Variants in TRPM3 observed in about 807,000 individuals in gnomAD.
The protein encoded by TRPM3 is transient receptor potential cation channel subfamily M member 3.
TRPM3 carries 77 observed loss-of-function variants against 181.2 expected under a neutral mutation model. The ratio of observed to expected loss-of-function variants is 0.42; its 90% CI spans 0.35 to 0.51. TRPM3 has a LOEUF of 0.51. Among genes scored for constraint, TRPM3 ranks in the 20% least tolerant of loss-of-function variants. The pLI is 0.01. For missense variants in TRPM3, 1,759 were observed against 2,196.7 expected (o/e 0.80, Z 3.98); for synonymous variants, 745 against 796.4 (o/e 0.94, Z 1.09).
At chr9:70,985,313 C>G (rs1221684633) in intron 1 of TRPM3, among the ~76,000 whole-genome samples, 1 of 152,116 alleles carries the variant, frequency 6.6e-6, no homozygotes, top group Non-Finnish European at 1.5e-5. Context: ...AGACTTTTCC[C>G]TCCCTCCCTT....
At chr9:70,801,690 A>G (rs1312810719) in intron 6 of TRPM3, among the ~76,000 whole-genome samples, 1 of 135,054 alleles carries the variant, frequency 7.4e-6, no homozygotes, top group Non-Finnish European at 1.7e-5. Flanking sequence ...TTAACCTCAT[A>G]TCCTACTTTG....
At position 71,366,750 on chromosome 9, in the gene TRPM3, G is replaced by A. The variant is rs2092348236; in HGVS notation, c.183+79903C>T. Among the ~76,000 whole-genome samples the A allele has an allele frequency of 5.9e-5, 9 of 152,100 alleles. No individual in the cohort carries two copies. In the South Asian group the frequency reaches 1.9e-3, roughly 32 times the overall value. On this transcript the variant is annotated intron_variant, in intron 1 of 24. Transcript: ENST00000357533. ...GACAGCTATACCTAAAATAAATTCAGTAATTTCAATGCAGATTACTATTTT... is the reference window on the plus strand; with the variant it reads ...GACAGCTATACCTAAAATAAATTCAATAATTTCAATGCAGATTACTATTTT...
intron 1 of TRPM3, among the ~76,000 whole-genome samples, chr9:71,240,227 TTA>T (rs2081585347): frequency 6.6e-6 from 1 of 152,192 alleles, no homozygotes; most frequent in Non-Finnish European, 1.5e-5. Context: ...ATGTTGTAAA[TTA>T]AAACAATTTT....
intron 9 of TRPM3, 119 bp downstream of exon 9, chr9:70,681,387 A>T (rs1395908455): frequency 1.1e-5 from 9 of 819,454 alleles, no homozygotes; most frequent in Non-Finnish European, 1.8e-5. Context: ...CCCCTATGTT[A>T]TCAATAATTT....
chr9:70,682,115 A>G (rs1247424413), intron 8 of TRPM3, among the ~76,000 whole-genome samples: 1 of 152,108 alleles, frequency 6.6e-6, no homozygotes, highest in African/African-American at 2.4e-5. Context: ...CCCATTTTAT[A>G]GTATTTTGTT....
chr9:71,315,374 C>CT (rs2088467186), intron 1 of TRPM3, among the ~76,000 whole-genome samples: 1 of 152,056 alleles, frequency 6.6e-6, no homozygotes, highest in African/African-American at 2.4e-5. Flanking sequence ...CCAGTTATTG[C>CT]TTTTATAAGC....
At chr9:71,423,381 T>C (rs1312406160) in intron 1 of TRPM3, among the ~76,000 whole-genome samples, 1 of 152,152 alleles carries the variant, frequency 6.6e-6, no homozygotes, top group Non-Finnish European at 1.5e-5. Flanking sequence ...TATTTTGTAA[T>C]GTGATCTGCA....
intron 1 of TRPM3, among the ~76,000 whole-genome samples, chr9:71,381,027 G>C (rs111867998): frequency 0.015 from 2,218 of 152,160 alleles, 67 homozygotes; most frequent in African/African-American, 0.051. Flanking sequence ...AGATAAGCAA[G>C]TGTGAGATTG....
chr9:71,139,445 A>C (rs1357694537), intron 1 of TRPM3, among the ~76,000 whole-genome samples: 1 of 152,200 alleles, frequency 6.6e-6, no homozygotes. Context: ...TCAGACTTAA[A>C]AATAGGAACA....
At chr9:71,075,035 AATTCTAGAAGTCACTGTC>A (rs1173114338) in intron 1 of TRPM3, among the ~76,000 whole-genome samples, 1 of 152,128 alleles carries the variant, frequency 6.6e-6, no homozygotes, top group African/African-American at 2.4e-5. Flanking sequence ...AGAATTCAAC[AATTCTAGAAGTCACTGTC>A]ATTCTAGAAG....
intron 11 of TRPM3, among the ~76,000 whole-genome samples, chr9:70,637,971 C>T (rs1480561427): frequency 3.3e-5 from 5 of 152,000 alleles, no homozygotes; most frequent in African/African-American, 9.7e-5. Context: ...TGAACCTGCA[C>T]GTTCTGCAAA....
chr9:70,862,756 C>G, intron 3 of TRPM3, 152 bp downstream of exon 3: 1 of 704,350 alleles, frequency 1.4e-6, no homozygotes, highest in Non-Finnish European at 2.4e-6. Context: ...TTGAGACACA[C>G]AGGGGCAGGG....
At chr9:71,133,792 T>C (rs556244924) in intron 1 of TRPM3, among the ~76,000 whole-genome samples, 57 of 152,324 alleles carry the variant, frequency 3.7e-4, no homozygotes, top group Admixed American at 1.2e-3. Context: ...ATTTTCTTTA[T>C]AGCACACACA....
chr9:70,746,985 CTG>C (rs1160246188), intron 8 of TRPM3, among the ~76,000 whole-genome samples: 1 of 152,158 alleles, frequency 6.6e-6, no homozygotes, highest in Non-Finnish European at 1.5e-5. Flanking sequence ...AGCTGTGCCT[CTG>C]TGTTAGTAGA....
chr9:71,082,994 C>T (rs1246415085), intron 1 of TRPM3, among the ~76,000 whole-genome samples: 1 of 151,852 alleles, frequency 6.6e-6, no homozygotes, highest in Non-Finnish European at 1.5e-5. Context: ...TAGCATGTCC[C>T]AAATAGAGAA....
chr9:71,074,678 G>A (rs1180342824), intron 1 of TRPM3, among the ~76,000 whole-genome samples: 1 of 152,182 alleles, frequency 6.6e-6, no homozygotes, highest in Non-Finnish European at 1.5e-5. Context: ...GATGACACCT[G>A]TAAAGTACTC....
intron 1 of TRPM3, among the ~76,000 whole-genome samples, chr9:71,310,440 C>T (rs146592703): frequency 6.6e-4 from 100 of 152,150 alleles, no homozygotes; most frequent in African/African-American, 2.2e-3. Context: ...ATCTAGGCAA[C>T]ATCTGTGGTT....
At chr9:70,869,574 G>A (rs1028591058) in intron 1 of TRPM3, among the ~76,000 whole-genome samples, 1 of 152,026 alleles carries the variant, frequency 6.6e-6, no homozygotes, top group Non-Finnish European at 1.5e-5. Context: ...TGTTTCAGTA[G>A]AATATTTTGG....
chr9:71,399,031 C>T (rs988039387), intron 1 of TRPM3, among the ~76,000 whole-genome samples: 1 of 152,034 alleles, frequency 6.6e-6, no homozygotes, highest in African/African-American at 2.4e-5. Context: ...TGACTATATC[C>T]TTTGTCCCAA....
Sources: gnomAD v4.1 joint callset for allele counts (sites outside exome capture counted in the v4.1 genomes callset) on GRCh38, gnomAD v4.1.1 for gene constraint, MANE v1.5 for transcripts, NCBI Gene and HGNC (gene_info 2026-07-23, HGNC 2026-07-21) for gene names.